Variants in DMD observed in about 807,000 individuals in gnomAD.
DMD encodes mutant dystrophin.
A neutral mutation model predicts 330.1 loss-of-function variants in DMD; 63 were observed. That is an observed-to-expected ratio of 0.19 (90% CI 0.16 to 0.24). The LOEUF (loss-of-function observed/expected upper bound fraction) is 0.24. Among genes scored for constraint, DMD ranks in the 10% least tolerant of loss-of-function variants. The pLI is 1.00. For synonymous variants in DMD, 1,223 were observed against 959.8 expected, an observed-to-expected ratio of 1.27 and a Z score of -5.07; for missense variants, 3,344 against 2,684.1, an observed-to-expected ratio of 1.25 and a Z score of -5.43.
intron 71 of DMD, among the ~76,000 whole-genome samples, chrX:31,174,690 T>G (rs1313532493): frequency 9.0e-6 from 1 of 111,529 alleles, no homozygotes; most frequent in Non-Finnish European, 1.9e-5. Flanking sequence ...GTTGAAACAC[T>G]AAGGAGAATG....
chrX:31,452,114 A>T (rs1474872727), intron 59 of DMD, among the ~76,000 whole-genome samples: 1 of 109,225 alleles, frequency 9.2e-6, no homozygotes. Context: ...TGGGAAAACA[A>T]TATTAAGTTT....
At chrX:31,207,908 T>C (rs1188071107) in intron 65 of DMD, among the ~76,000 whole-genome samples, 1 of 111,302 alleles carries the variant, frequency 9.0e-6, no homozygotes. Flanking sequence ...ATAAATGGGT[T>C]AATACCTGAG....
chrX:31,185,767 G>GT (rs1367659859), intron 67 of DMD, among the ~76,000 whole-genome samples: 3 of 96,568 alleles, frequency 3.1e-5, no homozygotes, highest in Non-Finnish European at 4.1e-5. Flanking sequence ...TGCTTAATAT[G>GT]TTTTTTGTTT....
intron 59 of DMD, among the ~76,000 whole-genome samples, chrX:31,446,716 T>G (rs1311223101): frequency 8.9e-6 from 1 of 112,492 alleles, no homozygotes; most frequent in African/African-American, 3.2e-5. Context: ...TAATTTTGTT[T>G]TGCATAATAG....
chrX:31,917,790 C>CA (rs1332392617), intron 47 of DMD, among the ~76,000 whole-genome samples: 1 of 112,627 alleles, frequency 8.9e-6, no homozygotes, highest in African/African-American at 3.2e-5. Flanking sequence ...CCTGGCAACT[C>CA]AGAGCACCAG....
At chrX:32,503,206 A>AC (rs924832560) in intron 18 of DMD, among the ~76,000 whole-genome samples, 2 of 110,402 alleles carry the variant, frequency 1.8e-5, no homozygotes, top group Non-Finnish European at 3.8e-5. Flanking sequence ...AAATCGAGAG[A>AC]CCTCCATCTC....
intron 7 of DMD, among the ~76,000 whole-genome samples, chrX:32,764,446 T>G (rs967209715): frequency 9.0e-6 from 1 of 111,396 alleles, no homozygotes; most frequent in African/African-American, 3.3e-5. Flanking sequence ...ATCCATTAAA[T>G]AACTCCCCAT....
chrX:32,497,314 C>G (rs1408679557), intron 19 of DMD, among the ~76,000 whole-genome samples: 2 of 112,181 alleles, frequency 1.8e-5, no homozygotes, highest in African/African-American at 3.2e-5. Context: ...ACACTATAAT[C>G]TAGCACTCAG....
intron 50 of DMD, among the ~76,000 whole-genome samples, chrX:31,777,340 C>T (rs1025907096): frequency 5.4e-5 from 6 of 111,307 alleles, no homozygotes; most frequent in Admixed American, 9.5e-5. Context: ...TTTATTTGCC[C>T]CCAACCCCAC....
intron 13 of DMD, among the ~76,000 whole-genome samples, chrX:32,585,724 AAAAAAAG>A (rs1270205616): frequency 1.1e-4 from 11 of 101,928 alleles, no homozygotes; most frequent in South Asian, 4.3e-4. Flanking sequence ...AAAAAAAAAA[AAAAAAAG>A]AATATTATTG....
intron 2 of DMD, among the ~76,000 whole-genome samples, chrX:33,002,848 TCGA>T (rs1359354061): frequency 2.2e-5 from 1 of 44,458 alleles, no homozygotes; most frequent in Non-Finnish European, 3.8e-5. Context: ...TATTTTTTTC[TCGA>T]AAAAAAAAAA....
intron 48 of DMD, among the ~76,000 whole-genome samples, chrX:31,866,069 A>C (rs1233380068): frequency 7.3e-5 from 8 of 110,228 alleles, no homozygotes; most frequent in Non-Finnish European, 1.5e-4. Flanking sequence ...AAACATAAGC[A>C]CTCCCTAAGC....
intron 1 of DMD, among the ~76,000 whole-genome samples, chrX:33,301,263 T>G: frequency 9.0e-6 from 1 of 111,092 alleles, no homozygotes; most frequent in Non-Finnish European, 1.9e-5. Context: ...ACGTACACAT[T>G]TTTCCATCTC....
chrX:32,707,957 G>T (rs1266906970), intron 7 of DMD, among the ~76,000 whole-genome samples: 1 of 111,942 alleles, frequency 8.9e-6, no homozygotes, highest in East Asian at 2.8e-4. Flanking sequence ...TTCGTGCTTT[G>T]CTTTTGACCT....
At chrX:32,928,176 CTT>C (rs1483470375) in intron 2 of DMD, among the ~76,000 whole-genome samples, 7 of 110,329 alleles carry the variant, frequency 6.3e-5, no homozygotes, top group African/African-American at 2.3e-4. Context: ...CATGAAATGA[CTT>C]TATTCGATCT....
chrX:31,705,180 G>C (rs1278384644), intron 52 of DMD, among the ~76,000 whole-genome samples: 1 of 111,950 alleles, frequency 8.9e-6, no homozygotes, highest in Admixed American at 9.5e-5. Context: ...TTGGAGGGGA[G>C]GGCAAAAAAG....
intron 59 of DMD, among the ~76,000 whole-genome samples, chrX:31,457,111 A>G (rs887302084): frequency 1.8e-5 from 2 of 109,743 alleles, no homozygotes; most frequent in Non-Finnish European, 3.8e-5. Context: ...GGAACACTAG[A>G]AGAGGCATGT....
intron 77 of DMD, among the ~76,000 whole-genome samples, chrX:31,130,447 T>G (rs2034336981): frequency 8.9e-6 from 1 of 111,987 alleles, no homozygotes; most frequent in South Asian, 3.8e-4. Context: ...ATATTCAGTG[T>G]TCAAATATAC....
At chrX:33,036,616 G>T (rs777090972) in intron 1 of DMD, among the ~76,000 whole-genome samples, 1 of 110,557 alleles carries the variant, frequency 9.0e-6, no homozygotes, top group Non-Finnish European at 1.9e-5. Flanking sequence ...CGTAAGTTTT[G>T]GTACATATTT....
Sources: allele counts gnomAD v4.1 joint callset (sites outside exome capture counted in the v4.1 genomes callset), GRCh38; gene constraint gnomAD v4.1.1; transcripts MANE v1.5; gene names NCBI Gene and HGNC (gene_info 2026-07-23, HGNC 2026-07-21).